SGCZ: variants seen among roughly 807,000 people sequenced by gnomAD.
SGCZ encodes zeta-sarcoglycan.
In SGCZ, 40 loss-of-function variants were observed where a neutral mutation model predicts 41.3. The observed-to-expected ratio is 0.97, with a 90% confidence interval of 0.75 to 1.26. The LOEUF (loss-of-function observed/expected upper bound fraction) is 1.26, where lower values mean the gene tolerates loss of function less well. SGCZ is among the 50% of genes most tolerant of loss of function. The pLI is 0.00. For missense variants in SGCZ, 552 were observed against 369.8 expected (o/e 1.49, Z -4.04); for synonymous variants, 206 against 137.5 (o/e 1.50, Z -3.49).
intron 1 of SGCZ, among the ~76,000 whole-genome samples, chr8:14,841,236 AC>A (rs1300337476): frequency 6.6e-6 from 1 of 152,124 alleles, no homozygotes; most frequent in East Asian, 1.9e-4. Flanking sequence ...TCAAATGTAA[AC>A]TAAAGAGCAA....
At chr8:14,143,350 T>A (rs1452971309) in intron 5 of SGCZ, among the ~76,000 whole-genome samples, 1 of 152,084 alleles carries the variant, frequency 6.6e-6, no homozygotes, top group East Asian at 1.9e-4. Flanking sequence ...ATAAAATACA[T>A]ACAGGTTAAA....
chr8:14,272,899 G>C (rs1800107865), intron 3 of SGCZ, among the ~76,000 whole-genome samples: 1 of 151,790 alleles, frequency 6.6e-6, no homozygotes, highest in Non-Finnish European at 1.5e-5. Flanking sequence ...AAATGACTTG[G>C]GTTAACTCTT....
chr8:14,366,090 C>G (rs1803696325), intron 2 of SGCZ, among the ~76,000 whole-genome samples: 1 of 152,060 alleles, frequency 6.6e-6, no homozygotes, highest in South Asian at 2.1e-4. Context: ...ATTTTTATAT[C>G]AATAAATGCC....
intron 6 of SGCZ, among the ~76,000 whole-genome samples, chr8:14,102,710 T>G (rs1338551969): frequency 6.6e-6 from 1 of 152,106 alleles, no homozygotes; most frequent in Non-Finnish European, 1.5e-5. Context: ...TGGCTCTTTA[T>G]AAAAATCTAC....
At chr8:14,958,789 C>A (rs970331991) in intron 1 of SGCZ, among the ~76,000 whole-genome samples, 6 of 151,866 alleles carry the variant, frequency 4.0e-5, no homozygotes, top group African/African-American at 1.5e-4. Flanking sequence ...GGCGGAAACA[C>A]ACAGATGTCT....
At chr8:14,385,057 T>A in intron 2 of SGCZ, among the ~76,000 whole-genome samples, 1 of 152,192 alleles carries the variant, frequency 6.6e-6, no homozygotes, top group South Asian at 2.1e-4. Context: ...CTATGTAGAG[T>A]TGAGTTTAGT....
chr8:14,224,066 T>A (rs1360655994), intron 4 of SGCZ, among the ~76,000 whole-genome samples: 2 of 152,182 alleles, frequency 1.3e-5, no homozygotes, highest in Non-Finnish European at 2.9e-5. Context: ...ATTTACATAA[T>A]AAAGCACATC....
intron 1 of SGCZ, among the ~76,000 whole-genome samples, chr8:14,957,067 G>A (rs941201627): frequency 6.6e-6 from 1 of 152,022 alleles, no homozygotes; most frequent in South Asian, 2.1e-4. Flanking sequence ...TGAAGTATAA[G>A]AGAAAAATTA....
intron 1 of SGCZ, among the ~76,000 whole-genome samples, chr8:14,572,218 T>C (rs1446749398): frequency 6.6e-6 from 1 of 152,198 alleles, no homozygotes; most frequent in Admixed American, 6.5e-5. Flanking sequence ...GCCAAGCTTA[T>C]CTTTTTTTAT....
intron 1 of SGCZ, among the ~76,000 whole-genome samples, chr8:14,688,470 G>A (rs1220258672): frequency 6.6e-6 from 1 of 152,068 alleles, no homozygotes; most frequent in Non-Finnish European, 1.5e-5. Context: ...CCCATTGCTT[G>A]TTTTTCTCAG....
intron 1 of SGCZ, among the ~76,000 whole-genome samples, chr8:15,018,994 C>T (rs756704473): frequency 6.6e-6 from 1 of 152,106 alleles, no homozygotes; most frequent in Non-Finnish European, 1.5e-5. Flanking sequence ...GAGAGGAGAT[C>T]AAAGCAGGAA....
At chr8:14,599,182 C>T (rs771086671) in intron 1 of SGCZ, among the ~76,000 whole-genome samples, 21 of 152,178 alleles carry the variant, frequency 1.4e-4, no homozygotes, top group Non-Finnish European at 1.5e-4. Context: ...ATCTCTTAAA[C>T]TACTACTCAG....
chr8:14,768,431 GA>G (rs1242131221), intron 1 of SGCZ, among the ~76,000 whole-genome samples: 2 of 152,124 alleles, frequency 1.3e-5, no homozygotes, highest in Non-Finnish European at 2.9e-5. Context: ...ACTGAAGAAT[GA>G]CTTAAGCACT....
intron 1 of SGCZ, among the ~76,000 whole-genome samples, chr8:14,741,723 T>C (rs1799203645): frequency 6.6e-6 from 1 of 152,044 alleles, no homozygotes. Flanking sequence ...TTTCCAAAAG[T>C]ATGTCTGAAA....
At chr8:14,278,563 A>T (rs985646088) in intron 3 of SGCZ, among the ~76,000 whole-genome samples, 4 of 152,142 alleles carry the variant, frequency 2.6e-5, no homozygotes, top group Admixed American at 2.6e-4. Context: ...ACGTTGAAAA[A>T]TAGTATTAAA....
chr8:14,441,396 G>A (rs1800259923), intron 2 of SGCZ, among the ~76,000 whole-genome samples: 1 of 151,856 alleles, frequency 6.6e-6, no homozygotes, highest in Admixed American at 6.6e-5. Context: ...CCAACATGGT[G>A]AAACCCCGTC....
In SGCZ at chr8:14,515,012, C is replaced by T. The variant is rs79746366; in HGVS notation, c.234+39720G>A. Among the ~76,000 whole-genome samples the T allele has an allele frequency of 6.5e-3, 985 of 151,946 alleles. 26 individuals are homozygous for T. In the East Asian group the frequency reaches 0.067, roughly 10 times the overall value. On this transcript the variant is annotated intron_variant, in intron 2 of 7. Coordinates refer to ENST00000382080, the MANE Select transcript of SGCZ (RefSeq NM_139167.4). ...TCTAAGACAAAATATTAAATTACATCAAGTATATTTTATAGGGCCTGCAAC... is the reference window on the plus strand; with the variant it reads ...TCTAAGACAAAATATTAAATTACATTAAGTATATTTTATAGGGCCTGCAAC...
chr8:14,559,349 G>T (rs1164473127), intron 1 of SGCZ, among the ~76,000 whole-genome samples: 1 of 152,056 alleles, frequency 6.6e-6, no homozygotes, highest in Non-Finnish European at 1.5e-5. Flanking sequence ...ACCAAGCTGA[G>T]AATCAAATCA....
At chr8:14,430,304 C>A (rs1432722389) in intron 2 of SGCZ, among the ~76,000 whole-genome samples, 1 of 152,190 alleles carries the variant, frequency 6.6e-6, no homozygotes, top group Non-Finnish European at 1.5e-5. Context: ...TAACAAAATA[C>A]TAGCTTCCTG....
Sources: allele counts gnomAD v4.1 joint callset (sites outside exome capture counted in the v4.1 genomes callset), GRCh38; gene constraint gnomAD v4.1.1; transcripts MANE v1.5; gene names NCBI Gene and HGNC (gene_info 2026-07-23, HGNC 2026-07-21).